Variants in EYS observed in about 807,000 individuals in gnomAD.
EYS encodes the protein protein eyes shut homolog.
A neutral mutation model predicts 282.1 loss-of-function variants in EYS; 250 were observed. That is an observed-to-expected ratio of 0.89 (90% confidence interval 0.80 to 0.98). EYS has a LOEUF of 0.98. Among genes scored for constraint, EYS ranks in the 50% least tolerant of loss-of-function variants. The probability of loss-of-function intolerance (pLI) is 0.00; values close to 1 mark genes in which losing one functional copy is unlikely to be tolerated. For missense variants in EYS, 4,016 were observed against 3,709.0 expected, an observed-to-expected ratio of 1.08 and a Z score of -2.15; for synonymous variants, 1,355 against 1,282.9, an observed-to-expected ratio of 1.06 and a Z score of -1.20.
chr6:64,924,075 T>A (rs2150083243), intron 15 of EYS, among the ~76,000 whole-genome samples: 1 of 152,214 alleles, frequency 6.6e-6, no homozygotes, highest in Middle Eastern at 3.4e-3. Flanking sequence ...CTAGCAGAGG[T>A]TCTCCATGAG....
chr6:64,451,236 T>G (rs79703286), intron 26 of EYS, among the ~76,000 whole-genome samples: 3 of 151,938 alleles, frequency 2.0e-5, no homozygotes, highest in Admixed American at 6.6e-5. Flanking sequence ...AACACCTCTA[T>G]GCAAATAAAC....
At position 64,572,110 on chromosome 6, in the gene EYS, G is replaced by T. The variant is rs1293222524; in HGVS notation, c.5644+18113C>A. On this transcript the variant is annotated intron_variant, in intron 26 of 42. Coordinates refer to ENST00000503581, the MANE Select transcript of EYS (RefSeq NM_001142800.2). ...GTTGGCTTCATCCCTGGGATGCAAG[G>T]CTGGTTCAACATATGCAAATCAAAA... Among the ~76,000 whole-genome samples, 5 of 152,208 alleles carry T rather than the reference G, an allele frequency of 3.3e-5. No homozygotes were observed. In the South Asian group the frequency reaches 6.2e-4, roughly 19 times the overall value.
chr6:64,629,469 A>T (rs867677817), intron 22 of EYS, among the ~76,000 whole-genome samples: 1 of 152,172 alleles, frequency 6.6e-6, no homozygotes, highest in Non-Finnish European at 1.5e-5. Flanking sequence ...AGTTGTAAGA[A>T]ACAATATCTT....
chr6:65,349,013 T>C (rs756173123), intron 9 of EYS, among the ~76,000 whole-genome samples: 2 of 151,666 alleles, frequency 1.3e-5, no homozygotes, highest in Non-Finnish European at 3.0e-5. Context: ...TCTATTTCAA[T>C]TTAATCCAGA....
At chr6:63,969,421 C>T (rs1766453223) in intron 35 of EYS, among the ~76,000 whole-genome samples, 1 of 151,980 alleles carries the variant, frequency 6.6e-6, no homozygotes, top group Admixed American at 6.6e-5. Flanking sequence ...TGTTTATTTC[C>T]ACTGTCTAAA....
intron 31 of EYS, among the ~76,000 whole-genome samples, chr6:64,164,102 A>G (rs1297892569): frequency 6.6e-6 from 1 of 152,114 alleles, no homozygotes; most frequent in Non-Finnish European, 1.5e-5. Flanking sequence ...ATCTTGAGGT[A>G]TCTGCAGGCA....
intron 22 of EYS, among the ~76,000 whole-genome samples, chr6:64,785,985 T>C (rs1290878324): frequency 2.0e-5 from 3 of 152,172 alleles, no homozygotes; most frequent in Non-Finnish European, 4.4e-5. Flanking sequence ...GTTGTGTGTA[T>C]CTTATAGTCA....
chr6:64,737,337 A>G (rs139745599), intron 22 of EYS, among the ~76,000 whole-genome samples: 1 of 152,336 alleles, frequency 6.6e-6, no homozygotes. Flanking sequence ...GTAAAAGACC[A>G]AGTTTTATTG....
intron 12 of EYS, among the ~76,000 whole-genome samples, chr6:65,163,623 G>C (rs1237455428): frequency 6.6e-6 from 1 of 151,156 alleles, no homozygotes; most frequent in East Asian, 2.0e-4. Flanking sequence ...TTCTACTTCA[G>C]GTATGTAGAG....
At chr6:65,517,335 C>CA (rs373098088) in intron 2 of EYS, among the ~76,000 whole-genome samples, 19,280 of 111,626 alleles carry the variant, frequency 0.17, 2,432 homozygotes, top group African/African-American at 0.43. Flanking sequence ...TTTTTCAAAA[C>CA]AACAACAAAA....
rs141351434 is a variant in EYS, at chr6:65,693,591, T to G, written c.-448+13544A>C. 3.0e-3 allele frequency among the ~76,000 whole-genome samples: 457 copies of G among 149,860 alleles called. 11 individuals are homozygous for G. Among genetic ancestry groups the G allele is most frequent in the African/African-American group, 0.011 (437 of 41,252 alleles). On this transcript the variant is annotated intron_variant, in intron 1 of 42. Coordinates refer to ENST00000503581, the MANE Select transcript of EYS (RefSeq NM_001142800.2). ...TTACAATAAAACCTGCAGAAGTCACTAGTCTGATATTTAATATTAGAGAAG... is the reference window on the plus strand; with the variant it reads ...TTACAATAAAACCTGCAGAAGTCACGAGTCTGATATTTAATATTAGAGAAG...
rs10705427 is a variant in EYS, at chr6:63,895,905, GTTTTTTTTTT to G, written c.7056-31557_7056-31548del. 6.4e-5 allele frequency among the ~76,000 whole-genome samples: 8 copies of G among 124,364 alleles called. No homozygotes were observed. The East Asian group carries it at 9.2e-4, about 14-fold the overall frequency. The allele number at this position is 124,364 out of a possible 152,430, so 81.6% of individuals were successfully genotyped here. ...TATTTAATCGTTGAGATCATGATTT[GTTTTTTTTTT>G]TTTTTTTTTTTTTTTTTTCAGAAAG... On this transcript the variant is annotated intron_variant, in intron 35 of 42. Coordinates refer to ENST00000503581, the MANE Select transcript of EYS (RefSeq NM_001142800.2).
chr6:65,417,825 C>T (rs968340093), intron 5 of EYS, among the ~76,000 whole-genome samples: 5 of 151,932 alleles, frequency 3.3e-5, no homozygotes, highest in South Asian at 2.1e-4. Context: ...CTACATTATT[C>T]GTCAGAAACT....
chr6:64,302,535 A>T (rs894385542), intron 30 of EYS, among the ~76,000 whole-genome samples: 9 of 152,284 alleles, frequency 5.9e-5, no homozygotes, highest in African/African-American at 2.2e-4. Context: ...CAGCCCACAA[A>T]AATTGAAACT....
At chr6:65,182,889 A>G (rs913750219) in intron 12 of EYS, among the ~76,000 whole-genome samples, 2 of 151,984 alleles carry the variant, frequency 1.3e-5, no homozygotes, top group African/African-American at 2.4e-5. Context: ...CTCTGGCTCA[A>G]GTGATCCTCC....
intron 2 of EYS, among the ~76,000 whole-genome samples, chr6:65,516,478 C>T (rs1214719534): frequency 6.6e-6 from 1 of 151,970 alleles, no homozygotes; most frequent in Non-Finnish European, 1.5e-5. Flanking sequence ...AGGATTAGGA[C>T]TGACAAGATA....
chr6:64,041,395 T>C (rs1770383339), intron 33 of EYS, among the ~76,000 whole-genome samples: 1 of 152,184 alleles, frequency 6.6e-6, no homozygotes, highest in African/African-American at 2.4e-5. Flanking sequence ...TTTTCTGGTA[T>C]TAAAGAGGTC....
intron 22 of EYS, among the ~76,000 whole-genome samples, chr6:64,757,523 T>A (rs1020479792): frequency 3.3e-5 from 5 of 152,150 alleles, no homozygotes; most frequent in African/African-American, 1.2e-4. Context: ...CACATTTTGG[T>A]AGAAAAACTA....
At chr6:64,888,050 T>C (rs1365827841) in intron 18 of EYS, among the ~76,000 whole-genome samples, 2 of 152,086 alleles carry the variant, frequency 1.3e-5, no homozygotes, top group Non-Finnish European at 2.9e-5. Flanking sequence ...TCATTCTTTT[T>C]CATGGCTGAA....
Sources: allele counts gnomAD v4.1 joint callset (sites outside exome capture counted in the v4.1 genomes callset), GRCh38; gene constraint gnomAD v4.1.1; transcripts MANE v1.5; gene names NCBI Gene and HGNC (gene_info 2026-07-23, HGNC 2026-07-21).